Variants in DNAAF9 observed in about 807,000 individuals in gnomAD.
The protein encoded by DNAAF9 is dynein axonemal assembly factor 9, also known as shulin.
Under a neutral mutation model 167.0 loss-of-function variants are expected in DNAAF9, and 90 were observed. The observed-to-expected ratio is 0.54, with a 90% confidence interval of 0.45 to 0.64. The LOEUF is 0.64. Among genes scored for constraint, DNAAF9 ranks in the 30% least tolerant of loss-of-function variants. The pLI is 0.00. For synonymous variants in DNAAF9, 491 were observed against 508.8 expected, an observed-to-expected ratio of 0.96 and a Z score of 0.47; for missense variants, 1,315 against 1,442.2, an observed-to-expected ratio of 0.91 and a Z score of 1.43.
chr20:3,368,824 G>C (rs571210598), intron 6 of DNAAF9, among the ~76,000 whole-genome samples: 1 of 151,970 alleles, frequency 6.6e-6, no homozygotes, highest in East Asian at 2.0e-4. Context: ...GGCCATCCTG[G>C]AAGCTTTTAA....
intron 7 of DNAAF9, among the ~76,000 whole-genome samples, chr20:3,353,520 A>C (rs6051780): frequency 0.24 from 36,600 of 151,448 alleles, 4,859 homozygotes; most frequent in African/African-American, 0.34. Flanking sequence ...CCCAGCCTCT[A>C]GGGAAGCTGA....
intron 1 of DNAAF9, among the ~76,000 whole-genome samples, chr20:3,397,520 A>G (rs113903718): frequency 0.043 from 6,575 of 152,044 alleles, 207 homozygotes; most frequent in African/African-American, 0.089. Flanking sequence ...GGGTTTCACC[A>G]TGTTAGCCAG....
intron 7 of DNAAF9, among the ~76,000 whole-genome samples, chr20:3,350,132 G>GACACACACACAC (rs1306670611): frequency 8.0e-5 from 11 of 137,558 alleles, no homozygotes; most frequent in Non-Finnish European, 1.1e-4. Context: ...CAGACACACA[G>GACACACACACAC]ACACACAGAC....
intron 6 of DNAAF9, among the ~76,000 whole-genome samples, chr20:3,370,204 C>CAAT (rs918385698): frequency 6.6e-6 from 1 of 152,246 alleles, no homozygotes; most frequent in African/African-American, 2.4e-5. Flanking sequence ...CTACACTAGC[C>CAAT]AATGAAATCT....
At chr20:3,322,309 G>A (rs1227088825) in intron 15 of DNAAF9, 47 bp from the exon 16 acceptor site, 9 of 1,420,452 alleles carry the variant, frequency 6.3e-6, no homozygotes, top group Non-Finnish European at 7.9e-6. Context: ...GTTTTTAAGT[G>A]TACTTAAATT....
intron 10 of DNAAF9, among the ~76,000 whole-genome samples, chr20:3,339,149 T>G (rs2070029003): frequency 6.6e-6 from 1 of 152,222 alleles, no homozygotes; most frequent in South Asian, 2.1e-4. Flanking sequence ...GATTCTATCT[T>G]CAAGTTTCCA....
chr20:3,406,075 T>C (rs1463290164), intron 1 of DNAAF9, among the ~76,000 whole-genome samples: 2 of 152,220 alleles, frequency 1.3e-5, no homozygotes, highest in African/African-American at 4.8e-5. Flanking sequence ...GACTCCTAAA[T>C]GCAATGTTTC....
intron 10 of DNAAF9, 64 bp downstream of exon 10, chr20:3,340,440 A>ACC: frequency 1.6e-5 from 2 of 124,214 alleles, no homozygotes; most frequent in Non-Finnish European, 1.7e-5. Flanking sequence ...AGCTCCCCCC[A>ACC]CCCACCCCAC....
chr20:3,269,782 G>T (rs1278477115), intron 30 of DNAAF9, among the ~76,000 whole-genome samples: 2 of 151,882 alleles, frequency 1.3e-5, no homozygotes, highest in South Asian at 4.2e-4. Context: ...GTGAAACCCC[G>T]TCTCTACTAA....
At position 3,311,392 on chromosome 20, in the gene DNAAF9, C is replaced by T. The variant is rs367957942; in HGVS notation, c.1678+3641G>A. ...CCTCCTGCCTCAGCCTCCCAAAGTGCTGGGATTACAGATGCTGGCTAATTT... is the reference window on the plus strand; with the variant it reads ...CCTCCTGCCTCAGCCTCCCAAAGTGTTGGGATTACAGATGCTGGCTAATTT... On this transcript the variant is annotated intron_variant, in intron 20 of 36. Coordinates refer to ENST00000252032, the MANE Select transcript of DNAAF9 (RefSeq NM_001009984.3). Among the ~76,000 whole-genome samples, 10 of 152,114 alleles carry T rather than the reference C, an allele frequency of 6.6e-5. 1 individual carries two copies. In the East Asian group the frequency reaches 1.4e-3, roughly 21 times the overall value.
intron 33 of DNAAF9, among the ~76,000 whole-genome samples, chr20:3,258,125 C>A (rs929442740): frequency 1.3e-5 from 2 of 148,710 alleles, no homozygotes; most frequent in Admixed American, 6.7e-5. Context: ...CTCGGCCTCC[C>A]AAAGTGCTGG....
intron 7 of DNAAF9, among the ~76,000 whole-genome samples, chr20:3,351,010 C>T (rs1411445971): frequency 6.6e-6 from 1 of 151,914 alleles, no homozygotes; most frequent in African/African-American, 2.4e-5. Context: ...TTGCTGTTCA[C>T]AAAACAAAAA....
chr20:3,258,765 C>T (rs770165865), intron 33 of DNAAF9, among the ~76,000 whole-genome samples: 9 of 152,168 alleles, frequency 5.9e-5, no homozygotes, highest in Non-Finnish European at 1.2e-4. Flanking sequence ...ATACAGCCAA[C>T]ACCTGCTAGC....
chr20:3,315,205 C>A lies in DNAAF9; in HGVS notation c.1591-85G>T. Reference sequence around the variant, plus strand: ...TATTCACAGAATCAAAAGTCCTGCCCAATTATGTCCGTCTACAAAAGCTGA... The same window carrying A: ...TATTCACAGAATCAAAAGTCCTGCCAAATTATGTCCGTCTACAAAAGCTGA... On this transcript the variant is annotated intron_variant, in intron 19 of 36. Coordinates refer to ENST00000252032, the MANE Select transcript of DNAAF9 (RefSeq NM_001009984.3). This position sits in a 1 kb window ranked among gnomAD's most constrained non-coding sequence, Gnocchi z 4.1. 1 of 847,268 alleles carries A rather than the reference C, an allele frequency of 1.2e-6. No homozygotes were observed. The highest frequency in any genetic ancestry group is 2.0e-6 in the Non-Finnish European group (1 of 496,794). 52.5% of individuals were successfully genotyped at this position (847,268 alleles called of 1,614,324 possible). A position where few individuals can be genotyped will look rare whatever the true frequency, so the allele number is the denominator to read the frequency against.
At chr20:3,387,219 G>T (rs1033620474) in intron 1 of DNAAF9, among the ~76,000 whole-genome samples, 2 of 152,156 alleles carry the variant, frequency 1.3e-5, no homozygotes, top group African/African-American at 4.8e-5. Flanking sequence ...TCTTGATAAA[G>T]ATTAAAGCTG....
intron 29 of DNAAF9, among the ~76,000 whole-genome samples, chr20:3,274,967 G>A (rs1476527449): frequency 6.6e-6 from 1 of 152,214 alleles, no homozygotes; most frequent in Non-Finnish European, 1.5e-5. Flanking sequence ...ACCTGTGTTC[G>A]CATGGCCATT....
chr20:3,358,617 C>T (rs186508771), intron 7 of DNAAF9, among the ~76,000 whole-genome samples: 206 of 152,230 alleles, frequency 1.4e-3, no homozygotes, highest in African/African-American at 4.5e-3. Context: ...TCAAACCTTC[C>T]GTTCTTTCAA....
At chr20:3,304,838 AAC>A (rs980400340) in intron 20 of DNAAF9, among the ~76,000 whole-genome samples, 5 of 152,232 alleles carry the variant, frequency 3.3e-5, no homozygotes, top group Admixed American at 6.5e-5. Flanking sequence ...CTTCCACGGA[AAC>A]ACACTAAAAA....
intron 10 of DNAAF9, among the ~76,000 whole-genome samples, chr20:3,335,522 C>T (rs1344226773): frequency 6.6e-6 from 1 of 151,884 alleles, no homozygotes; most frequent in Non-Finnish European, 1.5e-5. Flanking sequence ...TTTGGGAGGT[C>T]GAGGCGGGTG....
Sources: allele counts gnomAD v4.1 joint callset (sites outside exome capture counted in the v4.1 genomes callset), GRCh38; gene constraint gnomAD v4.1.1; non-coding constraint Gnocchi (gnomAD v3.1); transcripts MANE v1.5; gene names NCBI Gene and HGNC (gene_info 2026-07-23, HGNC 2026-07-21).